Variants in JAML observed in about 807,000 individuals in gnomAD.
JAML encodes junctional adhesion molecule-like.
In JAML, 25 loss-of-function variants were observed where a neutral mutation model predicts 39.3. The ratio of observed to expected loss-of-function variants is 0.64; its 90% confidence interval spans 0.46 to 0.89. JAML has a LOEUF of 0.89. Ranked by LOEUF, JAML falls within the 40% of genes least tolerant of loss-of-function variation. JAML has a pLI of 0.00. For missense variants in JAML, 440 were observed against 486.9 expected (o/e 0.90, Z 0.91); for synonymous variants, 162 against 179.2 (o/e 0.90, Z 0.77).
chr11:118,213,249 T>C, intron 2 of JAML: 2 of 1,213,754 alleles, frequency 1.6e-6, no homozygotes, highest in South Asian at 5.0e-5. Context: ...GAAAAAACCA[T>C]TACATGGATA....
In JAML at chr11:118,196,726, C is replaced by A. The variant is rs1038260157; in HGVS notation, c.1092+9G>T. ...CACCTGGCTCAGCTGAGGCCAGAATCATTCTCACCATGGTCATGTAGGTGG... is the reference window on the plus strand; with the variant it reads ...CACCTGGCTCAGCTGAGGCCAGAATAATTCTCACCATGGTCATGTAGGTGG... On this transcript the variant is annotated intron_variant, in intron 9 of 9. Transcript: ENST00000356289. The A allele has an allele frequency of 6.9e-6, 11 of 1,604,520 alleles. No individual in the cohort carries two copies. The highest frequency in any genetic ancestry group is 1.1e-5 in the South Asian group (1 of 90,860).
Position 118,195,277 on chromosome 11 carries a change from G to A in JAML, c.1093-860C>T, listed in dbSNP as rs1395485997. Among the ~76,000 whole-genome samples the A allele has an allele frequency of 3.9e-5, 6 of 152,264 alleles. No individual in the cohort carries two copies. The South Asian group carries it at 1.2e-3, about 32-fold the overall frequency. ...GATTCCATTCAGCTGCAACTTCAGG[G>A]TGGAGTTAATGTTTCACTCGGTGGA... On this transcript the variant is annotated intron_variant, in intron 9 of 9. Coordinates refer to ENST00000356289, the MANE Select transcript of JAML (RefSeq NM_001098526.2).
At chr11:118,209,305 T>C (rs1472942851) in intron 4 of JAML, 1 of 162,594 alleles carries the variant, frequency 6.2e-6, no homozygotes, top group Admixed American at 6.4e-5. Context: ...GACCAAATCT[T>C]ACCTGGCAGC....
chr11:118,210,895 A>C, intron 3 of JAML, among the ~76,000 whole-genome samples, 183 bp from the exon 4 acceptor site: 1 of 152,016 alleles, frequency 6.6e-6, no homozygotes. Context: ...AAGCTCTGCA[A>C]CTCCCTTTCT....
In JAML at chr11:118,214,800, C is replaced by T. The variant is rs536182891; in HGVS notation, c.43+24G>A. The T allele has an allele frequency of 3.2e-4, 516 of 1,611,696 alleles. 8 individuals are homozygous for T. The South Asian group carries it at 5.3e-3, about 16-fold the overall frequency. On this transcript the variant is annotated intron_variant, in intron 2 of 9. Coordinates refer to ENST00000356289, the MANE Select transcript of JAML (RefSeq NM_001098526.2). Reference sequence around the variant, plus strand: ...AACTCAGGAGAAATCAAATACCCCACGGAGTCCCTTAGCTTCTACTTACCC... The same window carrying T: ...AACTCAGGAGAAATCAAATACCCCATGGAGTCCCTTAGCTTCTACTTACCC...
chr11:118,217,760 G>A (rs1401524715), intron 1 of JAML, among the ~76,000 whole-genome samples: 1 of 152,212 alleles, frequency 6.6e-6, no homozygotes, highest in Non-Finnish European at 1.5e-5. Flanking sequence ...AAATGAGGCA[G>A]AGAATGACAA....
At chr11:118,224,363 G>A (rs1949239550) in intron 1 of JAML, among the ~76,000 whole-genome samples, 1 of 152,154 alleles carries the variant, frequency 6.6e-6, no homozygotes, top group Non-Finnish European at 1.5e-5. Context: ...TTTCTTGGGA[G>A]ATTTAAGTCT....
intron 5 of JAML, 61 bp downstream of exon 5, chr11:118,205,821 C>A (rs570382295): frequency 6.7e-6 from 10 of 1,496,400 alleles, no homozygotes; most frequent in African/African-American, 2.8e-5. Flanking sequence ...CTGATTCTAC[C>A]TTTGTCCTGA....
intron 2 of JAML, chr11:118,213,377 G>A: frequency 1.0e-6 from 1 of 982,098 alleles, no homozygotes; most frequent in South Asian, 4.5e-5. Flanking sequence ...AACAGAAAAT[G>A]TGCCAGTCTT....
Position 118,194,341 on chromosome 11 carries a change from G to A in JAML, c.1169C>T (p.Thr390Ile). Residue 390 changes from threonine (T) to isoleucine (I), a missense_variant, in exon 10 of 10, where the codon ACA (threonine) becomes ATA (isoleucine). Coordinates refer to ENST00000356289, the MANE Select transcript of JAML (RefSeq NM_001098526.2). ...CCATTCTTCTCAAAAGGCTTGCTGT[G>A]TTTTTGGCATTCCCCCACCTGACTT... ...EKKSGGGMPK[T>I]QQAF The A allele has an allele frequency of 6.2e-7, 1 of 1,613,850 alleles. No homozygotes were observed.
intron 1 of JAML, among the ~76,000 whole-genome samples, chr11:118,215,361 A>G (rs1949125621): frequency 6.6e-6 from 1 of 152,100 alleles, no homozygotes; most frequent in African/African-American, 2.4e-5. Context: ...TAGAATTACT[A>G]CTTTTTTGGG....
In JAML at chr11:118,196,841, C is replaced by T; in HGVS notation, c.1006-20G>A. 1.9e-6 allele frequency: 3 copies of T among 1,575,710 alleles called. No individual in the cohort carries two copies. The highest frequency in any genetic ancestry group is 2.6e-6 in the Non-Finnish European group (3 of 1,145,136). On this transcript the variant is annotated intron_variant, in intron 8 of 9. Coordinates refer to ENST00000356289, the MANE Select transcript of JAML (RefSeq NM_001098526.2). ...GTGTTTCTAGAGGGGGAAAATGGTA[C>T]AAAAATTCCTAAAAATTAGATGAAT... is the stretch of plus-strand genomic sequence containing the variant.
intron 1 of JAML, among the ~76,000 whole-genome samples, chr11:118,223,233 GT>G (rs1949227924): frequency 6.6e-6 from 1 of 151,962 alleles, no homozygotes; most frequent in Non-Finnish European, 1.5e-5. Flanking sequence ...GGATTACTTA[GT>G]TTTTCCATAG....
intron 5 of JAML, chr11:118,205,431 C>T (rs1216021862): frequency 6.4e-6 from 1 of 156,138 alleles, no homozygotes; most frequent in East Asian, 1.9e-4. Context: ...AAATTCCCTC[C>T]ATCACATAAA....
intron 9 of JAML, among the ~76,000 whole-genome samples, chr11:118,195,439 T>C (rs1948631488): frequency 6.6e-6 from 1 of 151,964 alleles, no homozygotes; most frequent in South Asian, 2.1e-4. Flanking sequence ...GAGGCCAGCC[T>C]TCCCAAACCC....
chr11:118,212,447 A>G lies in JAML; in HGVS notation c.158T>C (p.Phe53Ser), dbSNP rs1014414079. Residue 53 changes from phenylalanine (F) to serine (S), a missense_variant, in exon 3 of 10, where the codon TTC (phenylalanine) becomes TCC (serine). By Grantham distance (155) the Phe-to-Ser change is radical. Transcript: ENST00000356289. ...VFQSTEDKCIFKIDWTLSPGE... is the reference protein window; with the variant it reads ...VFQSTEDKCISKIDWTLSPGE... The stretch of plus-strand genomic sequence containing the variant: ...TGGTGACAGAGTCCAGTCTATCTTG[A>G]ATATACATTTGTCTTCTGTGCTCTG... 1.2e-6 allele frequency: 2 copies of G among 1,614,154 alleles called. No homozygotes were observed. The highest frequency in any genetic ancestry group is 1.1e-5 in the South Asian group (1 of 91,088).
intron 1 of JAML, among the ~76,000 whole-genome samples, chr11:118,224,268 A>G (rs539726296): frequency 3.0e-4 from 45 of 152,302 alleles, no homozygotes; most frequent in African/African-American, 9.9e-4. Flanking sequence ...TCTCCAGAGT[A>G]GGTTATACCT....
At chr11:118,224,094 A>C (rs1443185562) in intron 1 of JAML, 1 of 152,254 alleles carries the variant, frequency 6.6e-6, no homozygotes, top group Non-Finnish European at 1.5e-5. Context: ...CTACAAGTCC[A>C]TATAACCACT....
chr11:118,211,208 A>C (rs995292149), intron 3 of JAML, among the ~76,000 whole-genome samples: 1 of 152,182 alleles, frequency 6.6e-6, no homozygotes, highest in Non-Finnish European at 1.5e-5. Context: ...AGTCATCCAC[A>C]GGGAATGGTT....
Sources: allele counts gnomAD v4.1 joint callset (sites outside exome capture counted in the v4.1 genomes callset), GRCh38; gene constraint gnomAD v4.1.1; transcripts MANE v1.5; gene names NCBI Gene and HGNC (gene_info 2026-07-23, HGNC 2026-07-21).